The following CDH13 variants were observed in gnomAD, a reference collection of about 807,000 sequenced individuals.
The protein encoded by CDH13 is cadherin-13.
In CDH13, 24 loss-of-function variants were observed where a neutral mutation model predicts 63.8. The ratio of observed to expected loss-of-function variants is 0.38; its 90% CI spans 0.27 to 0.53. The LOEUF is 0.53. CDH13 is among the 20% of genes least tolerant of loss of function. CDH13 has a pLI of 0.85. For missense variants in CDH13, 1,049 were observed against 903.1 expected, an observed-to-expected ratio of 1.16 and a Z score of -2.07; for synonymous variants, 503 against 355.3, an observed-to-expected ratio of 1.42 and a Z score of -4.67.
intron 2 of CDH13, among the ~76,000 whole-genome samples, chr16:82,973,070 TC>T (rs1365202038): frequency 6.6e-6 from 1 of 152,226 alleles, no homozygotes; most frequent in Non-Finnish European, 1.5e-5. Context: ...GGAGATACTT[TC>T]TATCCTCTGT....
intron 2 of CDH13, among the ~76,000 whole-genome samples, chr16:83,029,598 G>A (rs999225142): frequency 8.5e-5 from 13 of 152,132 alleles, no homozygotes; most frequent in African/African-American, 2.4e-4. Context: ...ATGTAATGTC[G>A]AATGAAGAAG....
At chr16:83,236,772 G>T (rs775765685) in intron 5 of CDH13, among the ~76,000 whole-genome samples, 3 of 152,110 alleles carry the variant, frequency 2.0e-5, no homozygotes, top group Non-Finnish European at 4.4e-5. Flanking sequence ...AAAAGGAATA[G>T]AGTAGGTTAA....
intron 8 of CDH13, among the ~76,000 whole-genome samples, chr16:83,633,026 T>C (rs116032046): frequency 0.018 from 2,694 of 152,184 alleles, 88 homozygotes; most frequent in African/African-American, 0.062. Flanking sequence ...GTATTATAAT[T>C]AGCATATAAT....
chr16:83,491,444 C>A (rs552106092), intron 7 of CDH13, among the ~76,000 whole-genome samples: 1 of 152,116 alleles, frequency 6.6e-6, no homozygotes, highest in Non-Finnish European at 1.5e-5. Flanking sequence ...AGGTCTCTAA[C>A]GTTTGATAAA....
At chr16:82,719,236 C>G in intron 1 of CDH13, 1 of 344,512 alleles carries the variant, frequency 2.9e-6, no homozygotes, top group East Asian at 8.4e-5. Flanking sequence ...GAGCAGGAAC[C>G]TCACATCACT....
In CDH13 at chr16:82,667,959, T is replaced by C. The variant is rs1485358081; in HGVS notation, c.45+40822T>C. ...CTGTATTTGTCACGCTGACCTAATA[T>C]TAACACAGGTTCTCGTCTCTACTTG... On this transcript the variant is annotated intron_variant, in intron 1 of 13. Transcript: ENST00000567109. 2.0e-5 allele frequency among the ~76,000 whole-genome samples: 3 copies of C among 152,114 alleles called. No homozygotes were observed. The East Asian group carries it at 5.8e-4, about 29-fold the overall frequency.
intron 3 of CDH13, among the ~76,000 whole-genome samples, chr16:83,089,471 T>C (rs74033124): frequency 0.071 from 10,857 of 152,286 alleles, 642 homozygotes; most frequent in African/African-American, 0.16. Context: ...TGCACCTGCC[T>C]TGCAGGCGTC....
intron 5 of CDH13, among the ~76,000 whole-genome samples, chr16:83,258,064 A>G (rs1314023961): frequency 1.3e-5 from 2 of 152,254 alleles, no homozygotes; most frequent in Non-Finnish European, 2.9e-5. Flanking sequence ...GGTTAAATGC[A>G]TAAAGTGATA....
chr16:83,233,716 A>G (rs1362445872), intron 5 of CDH13, among the ~76,000 whole-genome samples: 1 of 152,168 alleles, frequency 6.6e-6, no homozygotes, highest in African/African-American at 2.4e-5. Context: ...TTTCCTTTAT[A>G]AGGTCCCTTA....
chr16:82,864,057 C>G (rs918372053), intron 2 of CDH13, among the ~76,000 whole-genome samples: 10 of 152,144 alleles, frequency 6.6e-5, no homozygotes, highest in Admixed American at 6.5e-4. Flanking sequence ...AAAGTCAGTT[C>G]TTTGAGTAAA....
At chr16:82,838,073 G>T (rs1162223803) in intron 1 of CDH13, among the ~76,000 whole-genome samples, 2 of 152,164 alleles carry the variant, frequency 1.3e-5, no homozygotes, top group Non-Finnish European at 2.9e-5. Flanking sequence ...TCACCCCGCA[G>T]ATCCTGGCCC....
At chr16:83,448,936 T>C (rs2072795578) in intron 6 of CDH13, among the ~76,000 whole-genome samples, 1 of 152,178 alleles carries the variant, frequency 6.6e-6, no homozygotes. Flanking sequence ...TACAGGATTC[T>C]TCGTATGGAG....
intron 5 of CDH13, among the ~76,000 whole-genome samples, chr16:83,338,795 G>A (rs940161244): frequency 1.3e-5 from 2 of 152,214 alleles, no homozygotes; most frequent in African/African-American, 4.8e-5. Flanking sequence ...GAAAAAAGAT[G>A]AGTGTAACTG....
intron 1 of CDH13, among the ~76,000 whole-genome samples, chr16:82,753,216 G>A (rs546087253): frequency 2.0e-5 from 3 of 152,200 alleles, no homozygotes; most frequent in Non-Finnish European, 4.4e-5. Context: ...GGTACAGAAG[G>A]AAGTGACTGG....
At chr16:83,534,064 C>T (rs1483095798) in intron 7 of CDH13, among the ~76,000 whole-genome samples, 3 of 152,302 alleles carry the variant, frequency 2.0e-5, no homozygotes, top group Non-Finnish European at 2.9e-5. Context: ...AAGGCACCAC[C>T]TCTATCTATA....
intron 7 of CDH13, among the ~76,000 whole-genome samples, chr16:83,537,617 A>C (rs2075219349): frequency 6.7e-6 from 1 of 149,096 alleles, no homozygotes; most frequent in Non-Finnish European, 1.5e-5. Context: ...CCTAAGACAG[A>C]AGCTTCTTAG....
At chr16:83,427,117 G>A (rs781553150) in intron 6 of CDH13, among the ~76,000 whole-genome samples, 2 of 151,516 alleles carry the variant, frequency 1.3e-5, no homozygotes, top group Non-Finnish European at 1.5e-5. Context: ...GGGTAGAGAC[G>A]GGGTTTCACC....
chr16:82,700,956 C>T, intron 1 of CDH13, among the ~76,000 whole-genome samples: 1 of 5,906 alleles, frequency 1.7e-4, no homozygotes, highest in African/African-American at 5.5e-4. Flanking sequence ...CTGGAACCCG[C>T]CCCCCCCCCC....
chr16:83,436,811 C>G (rs1003133614), intron 6 of CDH13, among the ~76,000 whole-genome samples: 4 of 152,120 alleles, frequency 2.6e-5, no homozygotes, highest in Admixed American at 6.6e-5. Context: ...TGATTTAGAC[C>G]ACAGCTCAGT....
Sources: allele counts gnomAD v4.1 joint callset (sites outside exome capture counted in the v4.1 genomes callset), GRCh38; gene constraint gnomAD v4.1.1; transcripts MANE v1.5; gene names NCBI Gene and HGNC (gene_info 2026-07-23, HGNC 2026-07-21).